The following RSF1 variants were observed in gnomAD, a reference collection of about 807,000 sequenced individuals.
RSF1 encodes the protein HBV pX-associated protein 8.
A neutral mutation model predicts 145.2 loss-of-function variants in RSF1; 13 were observed. That is an observed-to-expected ratio of 0.09 (90% CI 0.06 to 0.14). RSF1 has a LOEUF of 0.14. Among genes scored for constraint, RSF1 ranks in the 10% least tolerant of loss-of-function variants. The probability of loss-of-function intolerance (pLI) is 1.00; values close to 1 mark genes in which losing one functional copy is unlikely to be tolerated. For synonymous variants in RSF1, 577 were observed against 592.6 expected, an observed-to-expected ratio of 0.97 and a Z score of 0.38; for missense variants, 1,517 against 1,718.2, an observed-to-expected ratio of 0.88 and a Z score of 2.07.
chr11:77,844,879 T>C, the RSF1 span, among the ~76,000 whole-genome samples: 1 of 152,202 alleles, frequency 6.6e-6, no homozygotes. Context: ...GTTTGTTGGA[T>C]ATAGATTTCT....
At chr11:77,684,210 T>G (rs1015175862) in intron 10 of RSF1, among the ~76,000 whole-genome samples, 1 of 152,230 alleles carries the variant, frequency 6.6e-6, no homozygotes, top group Non-Finnish European at 1.5e-5. Context: ...ACAGGCCTTT[T>G]AAGCTTGTGA....
intron 1 of RSF1, among the ~76,000 whole-genome samples, chr11:77,775,060 C>G (rs184592928): frequency 6.6e-6 from 1 of 151,606 alleles, no homozygotes; most frequent in Non-Finnish European, 1.5e-5. Context: ...CCACTGCGCC[C>G]GGCCGTGAAA....
intron 2 of RSF1, among the ~76,000 whole-genome samples, chr11:77,749,537 T>A (rs886788276): frequency 8.5e-5 from 13 of 152,214 alleles, no homozygotes; most frequent in Admixed American, 7.8e-4. Context: ...AAACCAGATA[T>A]GGAAGCACAG....
intron 9 of RSF1, among the ~76,000 whole-genome samples, chr11:77,686,424 A>AAAAAAAAAAAAAAAAAAAG (rs1960008487): frequency 6.7e-6 from 1 of 149,960 alleles, no homozygotes; most frequent in Non-Finnish European, 1.5e-5. Context: ...AAAAAAAAAA[A>AAAAAAAAAAAAAAAAAAAG]AAAAGCAGGT....
the RSF1 span, among the ~76,000 whole-genome samples, chr11:77,863,616 T>G: frequency 6.6e-6 from 1 of 152,174 alleles, no homozygotes; most frequent in African/African-American, 2.4e-5. Context: ...CTTGAACTCC[T>G]GGCCTCAAGA....
In RSF1 at chr11:77,767,513, TTC is replaced by T. The variant is rs373974830; in HGVS notation, c.188-2826_188-2825del. ...CAGTCTCATACTAACTCTGCAATTC[TTC>T]TCTCTTACTTCCTGCACTGAAATCC... is the stretch of plus-strand genomic sequence containing the variant. On this transcript the variant is annotated intron_variant, in intron 1 of 15. Coordinates refer to ENST00000308488, the MANE Select transcript of RSF1 (RefSeq NM_016578.4). 7.1e-4 allele frequency among the ~76,000 whole-genome samples: 108 copies of T among 152,350 alleles called. 1 individual carries two copies. In the Middle Eastern group the frequency reaches 0.01, roughly 14 times the overall value.
chr11:77,846,827 A>G, the RSF1 span, among the ~76,000 whole-genome samples: 1 of 152,272 alleles, frequency 6.6e-6, no homozygotes, highest in Middle Eastern at 3.4e-3. Context: ...TTGTATTCTA[A>G]GTTGACAATT....
intron 1 of RSF1, among the ~76,000 whole-genome samples, chr11:77,769,351 A>T (rs1193431384): frequency 6.6e-6 from 1 of 152,248 alleles, no homozygotes; most frequent in Non-Finnish European, 1.5e-5. Context: ...AGATTTCTAA[A>T]ACAGTTTCAT....
chr11:77,693,630 T>G lies in RSF1; in HGVS notation c.2716-19A>C. ...GAAGAATCTGAAATAACCACACTGA[T>G]GTCAACCTAACTATGACTAAAATTC... is the stretch of plus-strand genomic sequence containing the variant. On this transcript the variant is annotated intron_variant, in intron 7 of 15. Coordinates refer to ENST00000308488, the MANE Select transcript of RSF1 (RefSeq NM_016578.4). 1 of 1,563,012 alleles carries G rather than the reference T, an allele frequency of 6.4e-7. No homozygotes were observed. Among genetic ancestry groups the G allele is most frequent in the Non-Finnish European group, 8.8e-7 (1 of 1,134,842 alleles).
intron 4 of RSF1, among the ~76,000 whole-genome samples, chr11:77,733,010 T>C (rs372907416): frequency 1.8e-4 from 28 of 152,364 alleles, no homozygotes; most frequent in African/African-American, 6.7e-4. Flanking sequence ...GTATGAGTAA[T>C]GTTAAGAATA....
intron 4 of RSF1, among the ~76,000 whole-genome samples, chr11:77,738,398 A>G (rs150837875): frequency 1.3e-5 from 2 of 152,382 alleles, no homozygotes; most frequent in African/African-American, 4.8e-5. Flanking sequence ...TTAAAACTAC[A>G]GTATAACAAT....
rs1316882357 is a variant in RSF1, at chr11:77,692,430, G to C, written c.2820+1077C>G. On this transcript the variant is annotated intron_variant, in intron 8 of 15. Coordinates refer to ENST00000308488, the MANE Select transcript of RSF1 (RefSeq NM_016578.4). ...CGGCTAATTTTTTGTATTTTTAGTA[G>C]AGACGGGGTTTCACCGTTTTAGCCA... Among the ~76,000 whole-genome samples the C allele has an allele frequency of 1.7e-5, 2 of 119,850 alleles. 1 individual carries two copies. The highest frequency in any genetic ancestry group is 3.3e-5 in the Non-Finnish European group (2 of 61,138). The allele number at this position is 119,850 out of a possible 152,430, so 78.6% of individuals were successfully genotyped here.
the RSF1 span, chr11:77,870,212 G>T: frequency 6.8e-6 from 1 of 147,974 alleles, no homozygotes; most frequent in Non-Finnish European, 1.5e-5. Context: ...TATAGATGGG[G>T]TCTCACTATT....
intron 15 of RSF1, among the ~76,000 whole-genome samples, chr11:77,671,169 A>ATATG (rs1282949893): frequency 6.1e-5 from 6 of 99,080 alleles, no homozygotes; most frequent in Admixed American, 2.4e-4. Context: ...ATATATATAT[A>ATATG]TATATATATT....
At chr11:77,734,408 C>T in intron 4 of RSF1, 1 of 1,071,472 alleles carries the variant, frequency 9.3e-7, no homozygotes, top group South Asian at 1.3e-5. Flanking sequence ...AAGGAAACCC[C>T]AACATGCATG....
chr11:77,779,697 T>G (rs1221092208), intron 1 of RSF1, among the ~76,000 whole-genome samples: 2 of 152,202 alleles, frequency 1.3e-5, no homozygotes, highest in Non-Finnish European at 2.9e-5. Context: ...AGACACGGGC[T>G]GCTTAAATAT....
intron 5 of RSF1, among the ~76,000 whole-genome samples, chr11:77,716,129 A>G (rs1178837411): frequency 6.6e-6 from 1 of 152,076 alleles, no homozygotes; most frequent in Admixed American, 6.6e-5. Flanking sequence ...GTAGGCAAAA[A>G]TGAGGAAAAA....
At chr11:77,784,881 C>T (rs1948438959) in intron 1 of RSF1, among the ~76,000 whole-genome samples, 1 of 152,180 alleles carries the variant, frequency 6.6e-6, no homozygotes, top group Non-Finnish European at 1.5e-5. Flanking sequence ...TCACTGTTTG[C>T]ATATACGACC....
rs1403503909 is a variant in RSF1 at position 77,725,649 on chromosome 11, T to C, written c.629A>G (p.Asp210Gly). 1 of 1,608,670 alleles carries C rather than the reference T, an allele frequency of 6.2e-7. No individual in the cohort carries two copies. The highest frequency in any genetic ancestry group is 8.5e-7 in the Non-Finnish European group (1 of 1,177,148). Residue 210 changes from aspartate to glycine, a missense_variant, in exon 5 of 16, where the codon GAT (aspartate) becomes GGT (glycine). Physicochemically the swap from Asp to Gly is moderately conservative, Grantham distance 94. Around this residue, in one of 12 missense-constraint regions of RSF1, gnomAD observed 207 missense variants for 191.4 expected, o/e 1.08. Coordinates refer to ENST00000308488, the MANE Select transcript of RSF1 (RefSeq NM_016578.4). ...ETLALLKAQI[D>G]PVLLKNSSQQ... ...GCTAGAGTTTTTCAATAGTACAGGA[T>C]CAATTTGTGCTTTCAGGAGTGCAAG... is the stretch of plus-strand genomic sequence containing the variant.
Sources: allele counts gnomAD v4.1 joint callset (sites outside exome capture counted in the v4.1 genomes callset), GRCh38; gene constraint gnomAD v4.1.1; regional missense constraint gnomAD v4.1.1; transcripts MANE v1.5; gene names NCBI Gene and HGNC (gene_info 2026-07-23, HGNC 2026-07-21).